NYX: variants seen among roughly 807,000 people sequenced by gnomAD.
The protein encoded by NYX is nyctalopin, also known as leucine-rich repeat protein.
For synonymous variants in NYX, 258 were observed against 245.7 expected (o/e 1.05, Z -0.47); for missense variants, 481 against 485.4 (o/e 0.99, Z 0.09).
intron 2 of NYX, among the ~76,000 whole-genome samples, chrX:41,455,516 A>G (rs1255651719): frequency 1.6e-4 from 18 of 109,861 alleles, no homozygotes; most frequent in Non-Finnish European, 3.4e-4. Context: ...TGAGTATTTT[A>G]AGACCGAATG....
At chrX:41,473,280 A>G (rs2064369219) in intron 2 of NYX, among the ~76,000 whole-genome samples, 1 of 110,702 alleles carries the variant, frequency 9.0e-6, no homozygotes, top group Admixed American at 9.6e-5. Context: ...GTAACCGGAA[A>G]GCAAAGGAGC....
chrX:41,474,692 C>G lies in NYX; in HGVS notation c.1224C>G (p.Phe408Leu). The stretch of plus-strand genomic sequence containing the variant: ...CAGCGGCCACCACCGTGAGCAGGTT[C>G]AGCAGCCTCCTCTCCAAGCTGCTGG... ...PEPAATTVSRFSSLLSKLLAP... is the reference protein window; with the variant it reads ...PEPAATTVSRLSSLLSKLLAP... Residue 408 changes from phenylalanine (F) to leucine (L), a missense_variant, in exon 3 of 3, where the codon TTC (phenylalanine) becomes TTG (leucine). Physicochemically the swap from Phe to Leu is conservative, Grantham distance 22. Coordinates refer to ENST00000378220, the MANE Select transcript of NYX (RefSeq NM_001378477.3). 1 of 1,198,856 alleles carries G rather than the reference C, an allele frequency of 8.3e-7. No homozygotes were observed. Among genetic ancestry groups the G allele is most frequent in the Non-Finnish European group, 1.1e-6 (1 of 890,226 alleles).
intron 2 of NYX, among the ~76,000 whole-genome samples, chrX:41,460,730 C>T (rs1219429588): frequency 1.8e-5 from 2 of 109,127 alleles, no homozygotes; most frequent in Non-Finnish European, 3.8e-5. Flanking sequence ...ATATCCATCA[C>T]CCCCAAGAAT....
intron 2 of NYX, among the ~76,000 whole-genome samples, chrX:41,454,316 G>T (rs1216520938): frequency 9.1e-6 from 1 of 109,699 alleles, no homozygotes; most frequent in Non-Finnish European, 1.9e-5. Context: ...TTTCCACATG[G>T]TCCCTTTTTT....
chrX:41,454,892 C>A (rs2064293773), intron 2 of NYX, among the ~76,000 whole-genome samples: 1 of 110,058 alleles, frequency 9.1e-6, no homozygotes, highest in African/African-American at 3.3e-5. Context: ...CAGGCATGAG[C>A]CACTGCACCT....
chrX:41,472,620 G>A, intron 2 of NYX: 3 of 476,402 alleles, frequency 6.3e-6, no homozygotes, highest in Non-Finnish European at 7.4e-6. Flanking sequence ...GGCAGCCGGA[G>A]CACAGGCACA....
intron 2 of NYX, chrX:41,472,165 A>G (rs2064363405): frequency 4.4e-6 from 2 of 451,422 alleles, no homozygotes; most frequent in Admixed American, 8.3e-5. Context: ...AAGGGAGCTC[A>G]TAACTCCATG....
At position 41,473,996 on chromosome X, in the gene NYX, G is replaced by C; in HGVS notation, c.528G>C (p.Leu176=). The C allele has an allele frequency of 9.4e-7, 1 of 1,068,924 alleles. No individual in the cohort carries two copies. Among genetic ancestry groups the C allele is most frequent in the South Asian group, 2.3e-5 (1 of 43,615 alleles). The allele number at this position is 1,068,924 out of a possible 1,213,427, so 88.1% of individuals were successfully genotyped here. A position where few individuals can be genotyped will look rare whatever the true frequency, so the allele number is the denominator to read the frequency against. The change falls in exon 3 of 3, where the codon CTG becomes CTC. Residue 176 remains leucine (L), a synonymous_variant. Coordinates refer to ENST00000378220, the MANE Select transcript of NYX (RefSeq NM_001378477.3). ...FRRVPGALRG[L]ANLTHAHLER... ...GCGTGCCGGGCGCGCTGCGCGGCCT[G>C]GCCAACCTGACGCACGCGCACCTGG...
Position 41,472,196 on chromosome X carries a change from G to C in NYX, c.23-1295G>C, listed in dbSNP as rs945819867. 2.4e-5 allele frequency: 14 copies of C among 591,584 alleles called. No homozygotes were observed. In the African/African-American group the frequency reaches 3.0e-4, roughly 13 times the overall value. 48.8% of individuals were successfully genotyped at this position (591,584 alleles called of 1,213,427 possible). ...CCATGGAGCCCAGAGTTCCTGGCTCGGGAACATTGGGAGGCCTGGGATACA... is the reference window on the plus strand; with the variant it reads ...CCATGGAGCCCAGAGTTCCTGGCTCCGGAACATTGGGAGGCCTGGGATACA... On this transcript the variant is annotated intron_variant, in intron 2 of 2. Coordinates refer to ENST00000378220, the MANE Select transcript of NYX (RefSeq NM_001378477.3).
Position 41,473,533 on chromosome X carries a change from G to A in NYX, c.65G>A (p.Cys22Tyr), listed in dbSNP as rs1227513693. ...GLPSAWAVGA[C>Y]ARACPAACAC... ...CCCAGCGCCTGGGCCGTGGGGGCCT[G>A]CGCCCGCGCTTGTCCCGCCGCCTGC... is the stretch of plus-strand genomic sequence containing the variant. Residue 22 changes from cysteine to tyrosine, a missense_variant, in exon 3 of 3, where the codon TGC becomes TAC. Cys to Tyr is a radical substitution (Grantham distance 194, BLOSUM62 -2). Transcript: ENST00000378220. The A allele has an allele frequency of 8.0e-6, 8 of 1,002,441 alleles. No individual in the cohort carries two copies. Among genetic ancestry groups the A allele is most frequent in the Non-Finnish European group, 2.5e-6 (2 of 792,891 alleles). 82.6% of individuals were successfully genotyped at this position (1,002,441 alleles called of 1,213,427 possible).
intron 2 of NYX, among the ~76,000 whole-genome samples, chrX:41,460,065 T>A (rs938302139): frequency 3.6e-5 from 4 of 111,465 alleles, no homozygotes; most frequent in Non-Finnish European, 7.5e-5. Context: ...GTCTTTTGAA[T>A]TTTAGCAGAA....
At chrX:41,461,426 C>G (rs1424296472) in intron 2 of NYX, among the ~76,000 whole-genome samples, 8 of 108,529 alleles carry the variant, frequency 7.4e-5, no homozygotes, top group Non-Finnish European at 1.5e-4. Flanking sequence ...TCTTTATCCA[C>G]TTGTTAACTG....
Position 41,474,825 on chromosome X carries a change from C to T in NYX, c.1357C>T (p.Pro453Ser), listed in dbSNP as rs1411219211. ...TGGGGTGGGAGGCGCGGGCCGGCAG[C>T]CCTGGTTTCTCCTCGCCTCTTGTCT... is the stretch of plus-strand genomic sequence containing the variant. ...SRGVGGAGRQ[P>S]WFLLASCLLP... Residue 453 changes from proline (P) to serine (S), a missense_variant, in exon 3 of 3, where the codon CCC becomes TCC. By Grantham distance (74) the Pro-to-Ser change is moderately conservative. Coordinates refer to ENST00000378220, the MANE Select transcript of NYX (RefSeq NM_001378477.3). 3.3e-6 allele frequency: 4 copies of T among 1,204,736 alleles called. No homozygotes were observed. In the African/African-American group the frequency reaches 7.0e-5, roughly 21 times the overall value.
rs778291121 is a variant in NYX at position 41,473,717 on chromosome X, G to A, written c.249G>A (p.Leu83=). ...GAGCCTTCGGCACGCTGCCGTCCTT[G>A]CGCCGCCTGTCGCTGCGCCACAACA... The part of the protein sequence containing the change: ...GERAFGTLPS[L]RRLSLRHNNL... Residue 83 remains leucine (L), a synonymous_variant, in exon 3 of 3, where the codon TTG becomes TTA. Coordinates refer to ENST00000378220, the MANE Select transcript of NYX (RefSeq NM_001378477.3). 6.9e-6 allele frequency: 8 copies of A among 1,151,851 alleles called. No individual in the cohort carries two copies. In the Middle Eastern group the frequency reaches 7.1e-4, roughly 102 times the overall value. The allele number at this position is 1,151,851 out of a possible 1,213,427, so 94.9% of individuals were successfully genotyped here.
At chrX:41,461,656 A>G (rs1331968586) in intron 2 of NYX, among the ~76,000 whole-genome samples, 2 of 111,133 alleles carry the variant, frequency 1.8e-5, no homozygotes, top group Non-Finnish European at 3.8e-5. Context: ...CCAGCAGTGT[A>G]GAAGTGTTCC....
intron 2 of NYX, among the ~76,000 whole-genome samples, chrX:41,453,210 T>A (rs1203800227): frequency 3.6e-5 from 4 of 111,675 alleles, no homozygotes; most frequent in African/African-American, 1.3e-4. Context: ...AGCCGAGGGC[T>A]TAGGAAAGAG....
At position 41,474,554 on chromosome X, in the gene NYX, C is replaced by T. The variant is rs752006200; in HGVS notation, c.1086C>T (p.Ser362=). The part of the protein sequence containing the change: ...VTDVPCASPG[S]VAGLDLSQVT... ...ACGTGCCGTGCGCCTCCCCGGGCTC[C>T]GTGGCCGGCCTGGACCTCAGCCAGG... The change falls in exon 3 of 3, where the codon TCC becomes TCT. Residue 362 remains serine (S), a synonymous_variant. Transcript: ENST00000378220. 78 of 1,196,255 alleles carry T rather than the reference C, an allele frequency of 6.5e-5. No homozygotes were observed. Among genetic ancestry groups the T allele is most frequent in the Non-Finnish European group, 8.1e-5 (72 of 889,420 alleles).
At chrX:41,453,787 G>A (rs747125079) in intron 2 of NYX, among the ~76,000 whole-genome samples, 76 of 112,239 alleles carry the variant, frequency 6.8e-4, no homozygotes, top group South Asian at 1.5e-3. Flanking sequence ...ATAATATTCC[G>A]TTGTATAGTT....
chrX:41,458,284 C>A (rs1410062287), intron 2 of NYX, among the ~76,000 whole-genome samples: 1 of 111,718 alleles, frequency 9.0e-6, no homozygotes, highest in African/African-American at 3.3e-5. Context: ...GCAATGAAAT[C>A]TCAGAAAGGC....
Sources: gnomAD v4.1 joint callset for allele counts (sites outside exome capture counted in the v4.1 genomes callset) on GRCh38, gnomAD v4.1.1 for gene constraint, MANE v1.5 for transcripts, NCBI Gene and HGNC (gene_info 2026-07-23, HGNC 2026-07-21) for gene names.